SHANK2: variants seen among roughly 807,000 people sequenced by gnomAD.
The protein encoded by SHANK2 is SH3 and multiple ankyrin repeat domains 2.
In SHANK2, 43 loss-of-function variants were observed where a neutral mutation model predicts 133.7. That is an observed-to-expected ratio of 0.32 (90% CI 0.25 to 0.41). The LOEUF is 0.41. Among genes scored for constraint, SHANK2 ranks in the 10% least tolerant of loss-of-function variants. The pLI, the probability that SHANK2 is intolerant of heterozygous loss-of-function variation, is 1.00. For missense variants in SHANK2, 1,994 were observed against 2,235.8 expected (o/e 0.89, Z 2.18); for synonymous variants, 1,017 against 952.8 (o/e 1.07, Z -1.24).
chr11:70,657,476 T>A (rs1454819587), intron 17 of SHANK2, among the ~76,000 whole-genome samples: 8 of 152,228 alleles, frequency 5.3e-5, no homozygotes, highest in African/African-American at 1.7e-4. Flanking sequence ...GAATTCTCAG[T>A]CTTAAGCCCC....
At chr11:70,781,115 A>G (rs369937069) in intron 14 of SHANK2, among the ~76,000 whole-genome samples, 3 of 151,826 alleles carry the variant, frequency 2.0e-5, no homozygotes, top group Non-Finnish European at 4.4e-5. Context: ...CCCACATGCA[A>G]ATCCTCAGGC....
intron 9 of SHANK2, among the ~76,000 whole-genome samples, chr11:71,073,130 T>C (rs1590884564): frequency 7.0e-6 from 1 of 143,830 alleles, no homozygotes; most frequent in African/African-American, 2.5e-5. Context: ...GCTTTTTGTT[T>C]TTTTTCTTTT....
chr11:71,093,716 T>C (rs958617136), intron 7 of SHANK2, among the ~76,000 whole-genome samples: 1 of 152,152 alleles, frequency 6.6e-6, no homozygotes, highest in Non-Finnish European at 1.5e-5. Flanking sequence ...CATGAGCCAA[T>C]GAAACCTCTT....
At chr11:71,061,383 T>A (rs980829144) in intron 9 of SHANK2, among the ~76,000 whole-genome samples, 1 of 152,240 alleles carries the variant, frequency 6.6e-6, no homozygotes, top group African/African-American at 2.4e-5. Flanking sequence ...GCTGGCAGGA[T>A]GCCCTAACAG....
intron 12 of SHANK2, among the ~76,000 whole-genome samples, chr11:70,819,973 AG>A (rs1175044753): frequency 1.3e-5 from 2 of 152,056 alleles, no homozygotes; most frequent in Non-Finnish European, 2.9e-5. Context: ...GGCCCTCGGG[AG>A]GGCACACACC....
At chr11:71,096,738 G>C (rs1472300581) in intron 6 of SHANK2, among the ~76,000 whole-genome samples, 6 of 152,160 alleles carry the variant, frequency 3.9e-5, no homozygotes, top group Non-Finnish European at 8.8e-5. Flanking sequence ...TTTCCCATTT[G>C]ACTGTTCCCT....
intron 14 of SHANK2, among the ~76,000 whole-genome samples, chr11:70,771,992 C>A (rs185600621): frequency 6.6e-6 from 1 of 152,110 alleles, no homozygotes; most frequent in Non-Finnish European, 1.5e-5. Flanking sequence ...AGGATGAGGA[C>A]GGCTCAAGTC....
intron 17 of SHANK2, among the ~76,000 whole-genome samples, chr11:70,643,303 C>G (rs896547604): frequency 6.6e-6 from 1 of 152,162 alleles, no homozygotes; most frequent in Non-Finnish European, 1.5e-5. Context: ...GTGGCTCACA[C>G]CTGTAATCCC....
chr11:70,632,161 A>G (rs1235095524), intron 17 of SHANK2, among the ~76,000 whole-genome samples: 2 of 152,122 alleles, frequency 1.3e-5, no homozygotes, highest in Non-Finnish European at 2.9e-5. Context: ...TCGCTCTGTC[A>G]CCCAGGCTGG....
rs1327996898 is a variant in SHANK2 at position 70,739,222 on chromosome 11, A to G, written c.1778-40459T>C. The stretch of plus-strand genomic sequence containing the variant: ...GAGGGCCTGATGGTGGGGATGCGGC[A>G]TGTGAACTTCAGGGGCACACAAAGC... On this transcript the variant is annotated intron_variant, in intron 14 of 25. Transcript: ENST00000601538. The surrounding 1 kb of genome is among the most constrained non-coding windows in gnomAD (Gnocchi z 4.3). Among the ~76,000 whole-genome samples the G allele has an allele frequency of 1.3e-5, 2 of 152,192 alleles. No individual in the cohort carries two copies. Among genetic ancestry groups the G allele is most frequent in the African/African-American group, 4.8e-5 (2 of 41,444 alleles).
intron 2 of SHANK2, among the ~76,000 whole-genome samples, chr11:71,158,361 C>A (rs1347357434): frequency 6.6e-6 from 1 of 151,878 alleles, no homozygotes; most frequent in South Asian, 2.1e-4. Context: ...ATAATACCAC[C>A]AACAATAACC....
chr11:70,653,338 A>G (rs1555010667), intron 17 of SHANK2, among the ~76,000 whole-genome samples: 1 of 152,198 alleles, frequency 6.6e-6, no homozygotes, highest in East Asian at 1.9e-4. Flanking sequence ...ACCCTTGAGC[A>G]GCGAGCTCTA....
chr11:71,102,876 G>A (rs561023747), intron 6 of SHANK2, among the ~76,000 whole-genome samples: 57 of 152,226 alleles, frequency 3.7e-4, no homozygotes, highest in Non-Finnish European at 6.9e-4. Context: ...GAGGCTAGGT[G>A]GCTTAAAAGT....
At chr11:70,722,676 C>T (rs1946096283) in intron 14 of SHANK2, among the ~76,000 whole-genome samples, 1 of 152,042 alleles carries the variant, frequency 6.6e-6, no homozygotes, top group African/African-American at 2.4e-5. Context: ...AGGTGAGAAC[C>T]ACAGAGCAAA....
intron 14 of SHANK2, among the ~76,000 whole-genome samples, chr11:70,788,230 T>C (rs960238586): frequency 1.3e-5 from 2 of 152,120 alleles, no homozygotes; most frequent in African/African-American, 4.8e-5. Context: ...CATTGTGTCG[T>C]CTTCTTATCA....
chr11:71,226,007 A>T (rs1193835234), intron 1 of SHANK2, among the ~76,000 whole-genome samples: 4 of 152,326 alleles, frequency 2.6e-5, no homozygotes, highest in Admixed American at 2.6e-4. Context: ...CTGTAATCCC[A>T]GCTACTCAGG....
intron 3 of SHANK2, among the ~76,000 whole-genome samples, chr11:71,124,850 C>T (rs1385411761): frequency 2.6e-5 from 4 of 152,148 alleles, no homozygotes; most frequent in African/African-American, 7.2e-5. Context: ...GCGGCAACTC[C>T]GCAACGAGAA....
intron 10 of SHANK2, chr11:70,907,573 A>T (rs1215089888): frequency 6.2e-6 from 1 of 162,216 alleles, no homozygotes; most frequent in Non-Finnish European, 1.4e-5. Context: ...CAAATGACTT[A>T]AAATAGCGCC....
intron 13 of SHANK2, among the ~76,000 whole-genome samples, chr11:70,802,697 C>G (rs1168321614): frequency 6.6e-6 from 1 of 152,148 alleles, no homozygotes; most frequent in Non-Finnish European, 1.5e-5. Context: ...GGGCAGACAC[C>G]TGGAGGAGCT....
Sources: allele counts gnomAD v4.1 joint callset (sites outside exome capture counted in the v4.1 genomes callset), GRCh38; gene constraint gnomAD v4.1.1; non-coding constraint Gnocchi (gnomAD v3.1); transcripts MANE v1.5; gene names NCBI Gene and HGNC (gene_info 2026-07-23, HGNC 2026-07-21).